The following DDAH1 variants were observed in gnomAD, a reference collection of about 807,000 sequenced individuals.
DDAH1 encodes dimethylarginine dimethylaminohydrolase 1, also known as N(G),N(G)-dimethylarginine dimethylaminohydrolase 1.
A neutral mutation model predicts 28.8 loss-of-function variants in DDAH1; 19 were observed. The ratio of observed to expected loss-of-function variants is 0.66; its 90% CI spans 0.46 to 0.97. The LOEUF (loss-of-function observed/expected upper bound fraction) is 0.97. Among genes scored for constraint, DDAH1 ranks in the 50% least tolerant of loss-of-function variants. The pLI is 0.00. For synonymous variants in DDAH1, 153 were observed against 154.4 expected (o/e 0.99, Z 0.07); for missense variants, 326 against 375.9 (o/e 0.87, Z 1.10).
chr1:85,349,087 T>TATC (rs1649040323), intron 4 of DDAH1, among the ~76,000 whole-genome samples: 1 of 152,214 alleles, frequency 6.6e-6, no homozygotes, highest in African/African-American at 2.4e-5. Flanking sequence ...TGACACCATT[T>TATC]ATCAAATGTT....
At chr1:85,514,251 G>A (rs1657362066) in intron 1 of DDAH1, among the ~76,000 whole-genome samples, 2 of 152,256 alleles carry the variant, frequency 1.3e-5, no homozygotes, top group South Asian at 4.2e-4. Context: ...GGATGAGACT[G>A]GAAACCATCA....
chr1:85,509,567 T>C (rs1251743016), intron 1 of DDAH1, among the ~76,000 whole-genome samples: 3 of 151,984 alleles, frequency 2.0e-5, no homozygotes, highest in Non-Finnish European at 4.4e-5. Context: ...TTCAAACCCA[T>C]CACAAGGAAG....
intron 1 of DDAH1, among the ~76,000 whole-genome samples, chr1:85,555,143 A>G (rs564446633): frequency 1.3e-5 from 2 of 152,248 alleles, no homozygotes; most frequent in East Asian, 3.8e-4. Context: ...TGCCTGGCAT[A>G]GTGCCTTGCA....
intron 2 of DDAH1, among the ~76,000 whole-genome samples, chr1:85,491,046 CTTTTTTT>C (rs5775843): frequency 1.6e-5 from 2 of 125,620 alleles, no homozygotes; most frequent in African/African-American, 2.9e-5. Context: ...AACATGTATT[CTTTTTTT>C]TTTTTTTTTT....
chr1:85,462,837 T>A (rs1191645746), intron 1 of DDAH1, among the ~76,000 whole-genome samples: 1 of 152,242 alleles, frequency 6.6e-6, no homozygotes, highest in Non-Finnish European at 1.5e-5. Flanking sequence ...CCAGAGGCAG[T>A]ATCACATAGT....
At chr1:85,377,119 G>T (rs1650713489) in intron 1 of DDAH1, among the ~76,000 whole-genome samples, 1 of 152,082 alleles carries the variant, frequency 6.6e-6, no homozygotes, top group South Asian at 2.1e-4. Flanking sequence ...TGGTCATACA[G>T]CTCAGGTGAC....
At chr1:85,529,735 C>T (rs540120165) in intron 1 of DDAH1, among the ~76,000 whole-genome samples, 1 of 146,436 alleles carries the variant, frequency 6.8e-6, no homozygotes, top group Admixed American at 7.0e-5. Flanking sequence ...CTATCCTGTT[C>T]GATGTTGCGT....
chr1:85,387,476 T>A lies in DDAH1; in HGVS notation c.304-28629A>T, dbSNP rs539551255. Among the ~76,000 whole-genome samples the A allele has an allele frequency of 4.6e-4, 70 of 152,340 alleles. No individual in the cohort carries two copies. The South Asian group carries it at 0.014, about 32-fold the overall frequency. On this transcript the variant is annotated intron_variant, in intron 1 of 5. Coordinates refer to ENST00000284031, the MANE Select transcript of DDAH1 (RefSeq NM_012137.4). ...ACATGGACACAATGCTGCCGAGATA[T>A]TTGTTAAGGCATAACAAAAGTGATC...
intron 1 of DDAH1, among the ~76,000 whole-genome samples, chr1:85,504,957 GATTCTTTTTTTTTTTTTTTTTTT>G (rs1656958154): frequency 9.5e-6 from 1 of 105,708 alleles, no homozygotes; most frequent in African/African-American, 3.7e-5. Flanking sequence ...GGCCCTCAAT[GATTCTTTTTTTTTTTTTTTTTTT>G]TTTTTTTTTT....
chr1:85,557,739 A>G (rs2100801328), intron 1 of DDAH1, among the ~76,000 whole-genome samples: 1 of 152,302 alleles, frequency 6.6e-6, no homozygotes, highest in East Asian at 1.9e-4. Context: ...GTTAAGTGAG[A>G]TCATTCAGGG....
chr1:85,333,776 C>T (rs1311188880), intron 4 of DDAH1, among the ~76,000 whole-genome samples: 1 of 151,986 alleles, frequency 6.6e-6, no homozygotes, highest in African/African-American at 2.4e-5. Flanking sequence ...AAGAAGAAAG[C>T]CAATGTGACC....
chr1:85,540,224 C>T (rs1205542777), intron 1 of DDAH1, among the ~76,000 whole-genome samples: 1 of 152,112 alleles, frequency 6.6e-6, no homozygotes, highest in Non-Finnish European at 1.5e-5. Flanking sequence ...ACTATATTCC[C>T]TTTTCCTTTG....
intron 1 of DDAH1, among the ~76,000 whole-genome samples, chr1:85,509,712 T>C (rs951491851): frequency 6.6e-6 from 1 of 152,142 alleles, no homozygotes; most frequent in Admixed American, 6.6e-5. Context: ...CAACAGCCAA[T>C]TCAATCAAGT....
At chr1:85,325,244 A>C (rs1647299567) in intron 4 of DDAH1, among the ~76,000 whole-genome samples, 1 of 152,238 alleles carries the variant, frequency 6.6e-6, no homozygotes, top group South Asian at 2.1e-4. Context: ...TTGGCTGAGT[A>C]AGCAGGGCTG....
chr1:85,345,502 T>A (rs1030855406), intron 4 of DDAH1, among the ~76,000 whole-genome samples: 3 of 152,188 alleles, frequency 2.0e-5, no homozygotes, highest in Admixed American at 2.0e-4. Context: ...CAACCTAACT[T>A]CTAGTACCTT....
At chr1:85,335,720 G>C (rs1648065690) in intron 4 of DDAH1, among the ~76,000 whole-genome samples, 2 of 152,058 alleles carry the variant, frequency 1.3e-5, no homozygotes, top group Non-Finnish European at 1.5e-5. Context: ...CCAGCACTTT[G>C]GGAGGTTGAG....
At chr1:85,335,653 C>A (rs1411517531) in intron 4 of DDAH1, among the ~76,000 whole-genome samples, 1 of 152,046 alleles carries the variant, frequency 6.6e-6, no homozygotes. Context: ...CACTGAAGCA[C>A]CCAGATATAA....
intron 1 of DDAH1, among the ~76,000 whole-genome samples, chr1:85,498,184 A>C (rs1433157616): frequency 6.6e-6 from 1 of 152,140 alleles, no homozygotes; most frequent in East Asian, 1.9e-4. Flanking sequence ...TTTTGAAGAG[A>C]TTCTGAGGGA....
At chr1:85,329,587 A>G (rs539024301) in intron 4 of DDAH1, among the ~76,000 whole-genome samples, 15 of 152,336 alleles carry the variant, frequency 9.8e-5, no homozygotes, top group African/African-American at 3.1e-4. Flanking sequence ...GAATTATAAT[A>G]TCTTTAGTGG....
Sources: allele counts gnomAD v4.1 joint callset (sites outside exome capture counted in the v4.1 genomes callset), GRCh38; gene constraint gnomAD v4.1.1; transcripts MANE v1.5; gene names NCBI Gene and HGNC (gene_info 2026-07-23, HGNC 2026-07-21).